GCN1: variants seen among roughly 807,000 people sequenced by gnomAD.
The protein encoded by GCN1 is GCN1 activator of EIF2AK4.
A neutral mutation model predicts 288.4 loss-of-function variants in GCN1; 90 were observed. The observed-to-expected ratio is 0.31, with a 90% CI of 0.26 to 0.37. The LOEUF (loss-of-function observed/expected upper bound fraction) is 0.37, where lower values mean the gene tolerates loss of function less well. Ranked by LOEUF, GCN1 falls within the 10% of genes least tolerant of loss-of-function variation. The probability of loss-of-function intolerance (pLI) is 1.00; values close to 1 mark genes in which losing one functional copy is unlikely to be tolerated. For synonymous variants in GCN1, 1,386 were observed against 1,420.2 expected (o/e 0.98, Z 0.54); for missense variants, 2,586 against 3,419.9 (o/e 0.76, Z 6.08).
chr12:120,159,735 C>A (rs935271505), intron 24 of GCN1, 90 bp downstream of exon 24: 6 of 1,117,932 alleles, frequency 5.4e-6, no homozygotes, highest in Admixed American at 3.5e-5. Context: ...GGTCACCACC[C>A]ACCTCCCCAC....
At chr12:120,132,199 C>T (rs1014426108) in intron 53 of GCN1, among the ~76,000 whole-genome samples, 177 bp from the exon 54 acceptor site, 7 of 152,218 alleles carry the variant, frequency 4.6e-5, no homozygotes, top group Admixed American at 6.5e-5. Flanking sequence ...CCAGATTGGG[C>T]TGCCACTGGT....
intron 7 of GCN1, 76 bp from the exon 8 acceptor site, chr12:120,177,828 G>C (rs1162554715): frequency 9.5e-7 from 1 of 1,047,806 alleles, no homozygotes; most frequent in African/African-American, 1.6e-5. Flanking sequence ...TCCCTCTTGT[G>C]AGAGTGCCTC....
In GCN1 at chr12:120,170,210, G is replaced by C. The variant is rs188093558; in HGVS notation, c.1478C>G (p.Ala493Gly). ...VPTITEGVAAALLLLKLSVAD... is the reference protein window; with the variant it reads ...VPTITEGVAAGLLLLKLSVAD... The stretch of plus-strand genomic sequence containing the variant: ...CACTGACAACTTTAAGAGCAACAAG[G>C]CTGCGGCAACCCCTTCAGTGATGGT... The change falls in exon 15 of 58, where the codon GCC becomes GGC. Residue 493 changes from alanine to glycine, a missense_variant. Physicochemically the swap from Ala to Gly is moderately conservative, Grantham distance 60 (BLOSUM62 0). Coordinates refer to ENST00000300648, the MANE Select transcript of GCN1 (RefSeq NM_006836.2). The C allele has an allele frequency of 6.2e-7, 1 of 1,614,166 alleles. No homozygotes were observed. The highest frequency in any genetic ancestry group is 2.2e-5 in the East Asian group (1 of 44,892).
Position 120,144,907 on chromosome 12 carries a change from C to A in GCN1, c.5155+16G>T. The A allele has an allele frequency of 1.2e-6, 2 of 1,614,160 alleles. No homozygotes were observed. The highest frequency in any genetic ancestry group is 1.7e-6 in the Non-Finnish European group (2 of 1,180,008). On this transcript the variant is annotated intron_variant, in intron 40 of 57. Transcript: ENST00000300648. The surrounding 1 kb of genome is among the most constrained non-coding windows in gnomAD (Gnocchi z 4.7). ...GAGCATTCCCAGGCTGGCCACTGGA[C>A]CTGCTCTGGCCTTACCCTGTGCAGC...
intron 14 of GCN1, among the ~76,000 whole-genome samples, chr12:120,171,097 T>G (rs532809165): frequency 1.6e-5 from 2 of 125,386 alleles, no homozygotes; most frequent in South Asian, 5.1e-4. Flanking sequence ...GCCGAGATTG[T>G]GCCATTGCAC....
rs759813719 is a variant in GCN1, at chr12:120,154,972, G to T, written c.3699C>A (p.Ala1233=). The change falls in exon 31 of 58, where the codon GCC becomes GCA. Residue 1233 remains alanine, a splice_region_variant and synonymous_variant. Transcript: ENST00000300648. The part of the protein sequence containing the change: ...ISESPPDQWE[A]RCGLALALNK... ...ACGAGGCTGAACAATTGTTATACCTGGCTTCCCACTGATCTGGAGGAGATT... is the reference window on the plus strand; with the variant it reads ...ACGAGGCTGAACAATTGTTATACCTTGCTTCCCACTGATCTGGAGGAGATT... 1 of 1,611,986 alleles carries T rather than the reference G, an allele frequency of 6.2e-7. No individual in the cohort carries two copies. The highest frequency in any genetic ancestry group is 8.5e-7 in the Non-Finnish European group (1 of 1,178,064).
intron 18 of GCN1, among the ~76,000 whole-genome samples, chr12:120,164,130 T>A (rs938281221): frequency 2.0e-5 from 3 of 152,114 alleles, no homozygotes; most frequent in Non-Finnish European, 4.4e-5. Flanking sequence ...GAAAAAAGGT[T>A]AAGCTACATG....
chr12:120,168,323 C>T (rs747104768), intron 15 of GCN1, 23 bp from the exon 16 acceptor site: 6 of 1,378,222 alleles, frequency 4.4e-6, no homozygotes, highest in Non-Finnish European at 6.2e-6. Flanking sequence ...AAAGGTTACC[C>T]CACGACGCAG....
In GCN1 at chr12:120,164,458, G is replaced by A. The variant is rs369641549; in HGVS notation, c.1726C>T (p.Arg576Cys). The change falls in exon 18 of 58, where the codon CGC becomes TGC. Residue 576 changes from arginine to cysteine, a missense_variant. Physicochemically the swap from Arg to Cys is radical, Grantham distance 180. Coordinates refer to ENST00000300648, the MANE Select transcript of GCN1 (RefSeq NM_006836.2). ...GCCTGCCTGCGGACGTGCCAGGTGC[G>A]GCTCAGGAGCACCGCCACCAGAGCC... ...HRALVAVLLS[R>C]TWHVRRQAQQ... The A allele has an allele frequency of 1.9e-5, 31 of 1,614,004 alleles. No homozygotes were observed. In the East Asian group the frequency reaches 2.0e-4, roughly 10 times the overall value.
intron 14 of GCN1, among the ~76,000 whole-genome samples, chr12:120,172,652 A>G (rs1347630748): frequency 6.6e-6 from 1 of 151,922 alleles, no homozygotes; most frequent in East Asian, 1.9e-4. Flanking sequence ...TGGGATTACA[A>G]GCACCTGTCA....
rs1314994304 is a variant in GCN1, at chr12:120,138,582, C to T, written c.6156+113G>A. ...AAGTCTGATCTTGCTATACCCACTCCCTCTGGAGGGCCCACATTGCGACTG... is the reference window on the plus strand; with the variant it reads ...AAGTCTGATCTTGCTATACCCACTCTCTCTGGAGGGCCCACATTGCGACTG... On this transcript the variant is annotated intron_variant, in intron 46 of 57. Coordinates refer to ENST00000300648, the MANE Select transcript of GCN1 (RefSeq NM_006836.2). The T allele has an allele frequency of 4.3e-6, 5 of 1,157,298 alleles. No individual in the cohort carries two copies. The East Asian group carries it at 9.4e-5, about 22-fold the overall frequency. The allele number at this position is 1,157,298 out of a possible 1,614,324, so 71.7% of individuals were successfully genotyped here.
intron 2 of GCN1, among the ~76,000 whole-genome samples, chr12:120,187,405 G>A (rs560502817): frequency 2.0e-5 from 3 of 151,870 alleles, no homozygotes; most frequent in South Asian, 2.1e-4. Flanking sequence ...TAGTTGACAC[G>A]GGGTTTCACC....
chr12:120,161,763 G>T, intron 21 of GCN1, 117 bp downstream of exon 21: 1 of 1,076,768 alleles, frequency 9.3e-7, no homozygotes. Context: ...CAGGCGCTTA[G>T]CCAATGAATG....
At chr12:120,133,139 C>A (rs893309841) in intron 53 of GCN1, among the ~76,000 whole-genome samples, 1 of 152,116 alleles carries the variant, frequency 6.6e-6, no homozygotes, top group African/African-American at 2.4e-5. Flanking sequence ...CAGAACTAGG[C>A]CTTTGGAGCC....
At chr12:120,135,297 C>T (rs1876962928) in intron 51 of GCN1, among the ~76,000 whole-genome samples, 1 of 152,176 alleles carries the variant, frequency 6.6e-6, no homozygotes, top group Non-Finnish European at 1.5e-5. Flanking sequence ...CCTGACTATA[C>T]AGAAACACAG....
At position 120,156,256 on chromosome 12, in the gene GCN1, T is replaced by C. The variant is rs1323676264; in HGVS notation, c.3312+205A>G. 6.6e-6 allele frequency among the ~76,000 whole-genome samples: 1 copy of C among 152,216 alleles called. No individual in the cohort carries two copies. The highest frequency in any genetic ancestry group is 2.4e-5 in the African/African-American group (1 of 41,448). ...TCCAGTTTAAAAATTAAGTGAAGTGTTCCAAGGTAAAGGAAAAAATACAGT... is the reference window on the plus strand; with the variant it reads ...TCCAGTTTAAAAATTAAGTGAAGTGCTCCAAGGTAAAGGAAAAAATACAGT... On this transcript the variant is annotated intron_variant, in intron 28 of 57. Coordinates refer to ENST00000300648, the MANE Select transcript of GCN1 (RefSeq NM_006836.2). The surrounding 1 kb of genome is among the most constrained non-coding windows in gnomAD (Gnocchi z 5.8).
Position 120,193,706 on chromosome 12 carries a change from C to T in GCN1, c.18+974G>A, listed in dbSNP as rs1487997717. 3.9e-5 allele frequency among the ~76,000 whole-genome samples: 6 copies of T among 152,172 alleles called. No individual in the cohort carries two copies. In the East Asian group the frequency reaches 1.2e-3, roughly 29 times the overall value. ...AGAGATTTTTCCCTCAAGTGAGTAT[C>T]AATGTTAAACATTCAGCATGTATTC... On this transcript the variant is annotated intron_variant, in intron 1 of 57. Coordinates refer to ENST00000300648, the MANE Select transcript of GCN1 (RefSeq NM_006836.2).
At position 120,187,253 on chromosome 12, in the gene GCN1, C is replaced by T. The variant is rs1409849929; in HGVS notation, c.122-2366G>A. 6.7e-5 allele frequency among the ~76,000 whole-genome samples: 10 copies of T among 149,842 alleles called. No homozygotes were observed. In the East Asian group the frequency reaches 2.0e-3, roughly 29 times the overall value. ...TTGAGACAGAGTTTCGTTCTTGTTACCCAGGCTGGAGTGCAATGGCGCAAT... is the reference window on the plus strand; with the variant it reads ...TTGAGACAGAGTTTCGTTCTTGTTATCCAGGCTGGAGTGCAATGGCGCAAT... On this transcript the variant is annotated intron_variant, in intron 2 of 57. Transcript: ENST00000300648.
At position 120,145,179 on chromosome 12, in the gene GCN1, G is replaced by A. The variant is rs1265670761; in HGVS notation, c.5016+83C>T. On this transcript the variant is annotated intron_variant, in intron 39 of 57. Coordinates refer to ENST00000300648, the MANE Select transcript of GCN1 (RefSeq NM_006836.2). ...TTCTCTTTACCCAACAGACACAAAA[G>A]CAGCTTTGGGGAATTCTCAGGAATC... 3.9e-6 allele frequency: 6 copies of A among 1,553,782 alleles called. No homozygotes were observed. The African/African-American group carries it at 4.1e-5, about 11-fold the overall frequency.
Sources: allele counts gnomAD v4.1 joint callset (sites outside exome capture counted in the v4.1 genomes callset), GRCh38; gene constraint gnomAD v4.1.1; non-coding constraint Gnocchi (gnomAD v3.1); transcripts MANE v1.5; gene names NCBI Gene and HGNC (gene_info 2026-07-23, HGNC 2026-07-21).